IL1RAPL1: variants seen among roughly 807,000 people sequenced by gnomAD.
IL1RAPL1 encodes interleukin-1 receptor accessory protein-like 1.
IL1RAPL1 carries 3 observed loss-of-function variants against 48.4 expected under a neutral mutation model. The observed-to-expected ratio is 0.06, with a 90% confidence interval of 0.03 to 0.16. The LOEUF (loss-of-function observed/expected upper bound fraction) is 0.16, where lower values mean the gene tolerates loss of function less well. Ranked by LOEUF, IL1RAPL1 falls within the 10% of genes least tolerant of loss-of-function variation. The pLI is 1.00. For missense variants in IL1RAPL1, 349 were observed against 530.6 expected (o/e 0.66, Z 3.36); for synonymous variants, 185 against 187.7 (o/e 0.99, Z 0.12).
chrX:29,656,116 A>G (rs1925671244), intron 5 of IL1RAPL1, among the ~76,000 whole-genome samples: 1 of 112,714 alleles, frequency 8.9e-6, no homozygotes, highest in Non-Finnish European at 1.9e-5. Flanking sequence ...GGGCCGTTAA[A>G]TATTTATTGA....
At chrX:29,439,105 A>C (rs1235514429) in intron 5 of IL1RAPL1, among the ~76,000 whole-genome samples, 1 of 111,501 alleles carries the variant, frequency 9.0e-6, no homozygotes, top group Non-Finnish European at 1.9e-5. Flanking sequence ...TGGCATCACT[A>C]ACAACCCAAA....
chrX:29,037,557 T>C (rs1415664900), intron 2 of IL1RAPL1, among the ~76,000 whole-genome samples: 1 of 112,022 alleles, frequency 8.9e-6, no homozygotes, highest in Non-Finnish European at 1.9e-5. Context: ...TCCCGTGATC[T>C]GTGAAGTAGT....
chrX:29,473,835 C>T (rs754074126), intron 5 of IL1RAPL1, among the ~76,000 whole-genome samples: 9 of 111,163 alleles, frequency 8.1e-5, no homozygotes, highest in Non-Finnish European at 1.7e-4. Flanking sequence ...TTTGTCTTAC[C>T]CTTTGATCTA....
chrX:28,950,535 T>G (rs1924429249), intron 2 of IL1RAPL1, among the ~76,000 whole-genome samples: 1 of 91,830 alleles, frequency 1.1e-5, no homozygotes, highest in Admixed American at 1.3e-4. Context: ...TTGGGCAGTA[T>G]GGCCATTTTC....
intron 2 of IL1RAPL1, among the ~76,000 whole-genome samples, chrX:29,242,392 G>A (rs187973284): frequency 1.1e-3 from 127 of 112,403 alleles, no homozygotes; most frequent in Middle Eastern, 4.7e-3. Context: ...TGTAAATCCA[G>A]TGTTCCCAAT....
At chrX:29,605,123 C>CACACAA (rs1923851905) in intron 5 of IL1RAPL1, among the ~76,000 whole-genome samples, 2 of 87,071 alleles carry the variant, frequency 2.3e-5, no homozygotes, top group African/African-American at 9.0e-5. Context: ...CACACACACA[C>CACACAA]ACACGGAGGG....
At chrX:28,956,520 C>A (rs1277505096) in intron 2 of IL1RAPL1, among the ~76,000 whole-genome samples, 4 of 107,856 alleles carry the variant, frequency 3.7e-5, no homozygotes, top group Non-Finnish European at 7.7e-5. Context: ...TTGAGATAAT[C>A]ATGTGGTTTT....
rs57210050 is a variant in IL1RAPL1 at position 29,310,093 on chromosome X, CAAAAAAAAAAAAAAAAAAAAAAA to C, written c.362+26890_362+26912del. 2.1e-4 allele frequency among the ~76,000 whole-genome samples: 5 copies of C among 23,741 alleles called. No homozygotes were observed. In the East Asian group the frequency reaches 6.8e-3, roughly 32 times the overall value. The allele number at this position is 23,741 out of a possible 115,157, so 20.6% of individuals were successfully genotyped here. A position where few individuals can be genotyped will look rare whatever the true frequency, so the allele number is the denominator to read the frequency against. Reference sequence around the variant, plus strand: ...TGGGCGACAGAGCGAGACTCCGTCTCAAAAAAAAAAAAAAAAAAAAAAAAAAAAAAAAAAAAGAAAGGAAAAAA... The same window carrying C: ...TGGGCGACAGAGCGAGACTCCGTCTCAAAAAAAAAAAAAGAAAGGAAAAAA... On this transcript the variant is annotated intron_variant, in intron 3 of 10. Coordinates refer to ENST00000378993, the MANE Select transcript of IL1RAPL1 (RefSeq NM_014271.4).
intron 5 of IL1RAPL1, among the ~76,000 whole-genome samples, chrX:29,542,752 T>C (rs1321625631): frequency 1.8e-5 from 2 of 112,239 alleles, no homozygotes; most frequent in Non-Finnish European, 3.8e-5. Context: ...GTTTAATAAA[T>C]AGTTGTTTAT....
intron 2 of IL1RAPL1, among the ~76,000 whole-genome samples, chrX:28,891,263 C>T (rs747427782): frequency 2.7e-5 from 3 of 111,373 alleles, no homozygotes; most frequent in Non-Finnish European, 5.7e-5. Context: ...TATTAAGGAC[C>T]GTGTGTCTAA....
chrX:29,187,180 C>A (rs1238857167), intron 2 of IL1RAPL1, among the ~76,000 whole-genome samples: 1 of 111,976 alleles, frequency 8.9e-6, no homozygotes, highest in Non-Finnish European at 1.9e-5. Flanking sequence ...TTTAGCCATT[C>A]CTCTGTTCTA....
At chrX:29,860,961 AG>A (rs1931570758) in intron 6 of IL1RAPL1, among the ~76,000 whole-genome samples, 1 of 112,350 alleles carries the variant, frequency 8.9e-6, no homozygotes, top group South Asian at 3.7e-4. Flanking sequence ...GATAAAGAAT[AG>A]GAGTAAGAGG....
intron 6 of IL1RAPL1, among the ~76,000 whole-genome samples, chrX:29,837,635 A>G (rs1160562261): frequency 2.7e-5 from 3 of 111,479 alleles, no homozygotes; most frequent in Admixed American, 1.9e-4. Context: ...TCTCTATTCT[A>G]AAACAGAACC....
chrX:28,783,386 A>G (rs960318481), intron 1 of IL1RAPL1, among the ~76,000 whole-genome samples: 4 of 111,834 alleles, frequency 3.6e-5, no homozygotes, highest in African/African-American at 1.3e-4. Context: ...TTTTTTAGTC[A>G]TATTGTGAAT....
chrX:29,417,411 C>T (rs188077208), intron 5 of IL1RAPL1, among the ~76,000 whole-genome samples: 180 of 111,389 alleles, frequency 1.6e-3, no homozygotes, highest in Middle Eastern at 9.2e-3. Context: ...TCTGGAGGAC[C>T]TAAAAATCCA....
intron 5 of IL1RAPL1, among the ~76,000 whole-genome samples, chrX:29,606,759 T>C (rs1206804819): frequency 1.0e-5 from 1 of 96,634 alleles, no homozygotes; most frequent in African/African-American, 3.8e-5. Flanking sequence ...TGGTACTAGA[T>C]TTTTTTTTTT....
intron 3 of IL1RAPL1, among the ~76,000 whole-genome samples, chrX:29,389,973 T>C (rs1933834023): frequency 8.9e-6 from 1 of 111,950 alleles, no homozygotes; most frequent in South Asian, 3.7e-4. Flanking sequence ...AAACATACTG[T>C]GTTTAAGAAA....
chrX:29,136,258 G>T (rs1929125438), intron 2 of IL1RAPL1, among the ~76,000 whole-genome samples: 1 of 108,230 alleles, frequency 9.2e-6, no homozygotes, highest in Non-Finnish European at 1.9e-5. Flanking sequence ...CTCCCCAGTA[G>T]CTGGGATTAT....
chrX:29,022,398 A>G (rs1387023542), intron 2 of IL1RAPL1, among the ~76,000 whole-genome samples: 2 of 112,059 alleles, frequency 1.8e-5, no homozygotes, highest in Non-Finnish European at 3.8e-5. Context: ...ATAGAAAAGT[A>G]TATTTCTTGC....
Sources: gnomAD v4.1 joint callset for allele counts (sites outside exome capture counted in the v4.1 genomes callset) on GRCh38, gnomAD v4.1.1 for gene constraint, MANE v1.5 for transcripts, NCBI Gene and HGNC (gene_info 2026-07-23, HGNC 2026-07-21) for gene names.